The following FREM1 variants were observed in gnomAD, a reference collection of about 807,000 sequenced individuals.
The protein encoded by FREM1 is FRAS1 related extracellular matrix 1.
In FREM1, 220 loss-of-function variants were observed where a neutral mutation model predicts 210.1. That is an observed-to-expected ratio of 1.05 (90% CI 0.94 to 1.17). The LOEUF is 1.17. Among genes scored for constraint, FREM1 ranks in the 50% most tolerant of loss-of-function variants. The probability of loss-of-function intolerance (pLI) is 0.00; values close to 1 mark genes in which losing one functional copy is unlikely to be tolerated. For missense variants in FREM1, 3,454 were observed against 2,675.5 expected (o/e 1.29, Z -6.42); for synonymous variants, 1,189 against 980.2 (o/e 1.21, Z -3.98).
At chr9:14,853,088 G>A (rs1252047986) in intron 5 of FREM1, among the ~76,000 whole-genome samples, 3 of 152,154 alleles carry the variant, frequency 2.0e-5, no homozygotes, top group African/African-American at 4.8e-5. Context: ...ACATTGGCAC[G>A]GAGCAGGAAG....
At chr9:14,758,544 C>G (rs905341246) in intron 28 of FREM1, among the ~76,000 whole-genome samples, 1 of 152,258 alleles carries the variant, frequency 6.6e-6, no homozygotes, top group East Asian at 1.9e-4. Flanking sequence ...AAGATAAATA[C>G]TGAGCCTGGA....
At chr9:14,790,297 T>C (rs944565902) in intron 22 of FREM1, among the ~76,000 whole-genome samples, 4 of 152,184 alleles carry the variant, frequency 2.6e-5, no homozygotes, top group African/African-American at 9.6e-5. Flanking sequence ...GTCATTCTAC[T>C]TGATAACGTT....
intron 1 of FREM1, among the ~76,000 whole-genome samples, chr9:14,898,474 G>A (rs1838163386): frequency 6.6e-6 from 1 of 152,198 alleles, no homozygotes; most frequent in Non-Finnish European, 1.5e-5. Context: ...GGGTGTGGTG[G>A]CTCACACATG....
intron 16 of FREM1, among the ~76,000 whole-genome samples, chr9:14,812,572 G>A (rs968859262): frequency 1.8e-4 from 27 of 152,190 alleles, no homozygotes; most frequent in African/African-American, 3.9e-4. Context: ...GTGTGGTAGC[G>A]TCAGGAACAA....
intron 17 of FREM1, among the ~76,000 whole-genome samples, chr9:14,807,502 G>T (rs1049752767): frequency 6.6e-6 from 1 of 152,022 alleles, no homozygotes; most frequent in African/African-American, 2.4e-5. Flanking sequence ...AAGCAAATAA[G>T]GTTAAATGTA....
At chr9:14,775,460 C>A (rs932533374) in intron 25 of FREM1, among the ~76,000 whole-genome samples, 1 of 152,064 alleles carries the variant, frequency 6.6e-6, no homozygotes, top group Non-Finnish European at 1.5e-5. Context: ...AATCCCAGCA[C>A]TTTGGGAGGC....
chr9:14,787,970 C>T (rs1482165612), intron 23 of FREM1, among the ~76,000 whole-genome samples: 1 of 152,124 alleles, frequency 6.6e-6, no homozygotes, highest in East Asian at 1.9e-4. Context: ...GTAAACATCT[C>T]AAGATCAAAC....
intron 28 of FREM1, among the ~76,000 whole-genome samples, chr9:14,758,048 C>G (rs1844756842): frequency 6.6e-6 from 1 of 152,130 alleles, no homozygotes. Flanking sequence ...TGGTCTGAGG[C>G]AAGGTGGTTG....
At chr9:14,903,211 T>C (rs1053936102) in intron 1 of FREM1, among the ~76,000 whole-genome samples, 1 of 152,172 alleles carries the variant, frequency 6.6e-6, no homozygotes, top group African/African-American at 2.4e-5. Context: ...TGAAAGTAGG[T>C]AGCAGAGGCC....
intron 1 of FREM1, among the ~76,000 whole-genome samples, chr9:14,895,763 C>T (rs1188737454): frequency 6.6e-6 from 1 of 152,004 alleles, no homozygotes; most frequent in Non-Finnish European, 1.5e-5. Context: ...CCTTGACATA[C>T]TGACGCTTTC....
intron 1 of FREM1, among the ~76,000 whole-genome samples, chr9:14,892,413 G>T (rs1457287587): frequency 6.6e-6 from 1 of 152,070 alleles, no homozygotes; most frequent in African/African-American, 2.4e-5. Context: ...GATAGAGTGG[G>T]TTAAAGGCCC....
At chr9:14,835,953 G>A (rs1393723569) in intron 10 of FREM1, among the ~76,000 whole-genome samples, 1 of 152,134 alleles carries the variant, frequency 6.6e-6, no homozygotes, top group Non-Finnish European at 1.5e-5. Context: ...GAATCAACTG[G>A]TGATCTGCAG....
At chr9:14,752,873 A>ACAAAC (rs1261264825) in intron 29 of FREM1, among the ~76,000 whole-genome samples, 1 of 151,798 alleles carries the variant, frequency 6.6e-6, no homozygotes, top group African/African-American at 2.4e-5. Flanking sequence ...AAACAAACAA[A>ACAAAC]AAACAAAAAA....
intron 21 of FREM1, among the ~76,000 whole-genome samples, chr9:14,795,890 C>A (rs1238248742): frequency 6.6e-6 from 1 of 152,160 alleles, no homozygotes; most frequent in Admixed American, 6.5e-5. Flanking sequence ...GGGGCCCTCA[C>A]CCTGCCAGCT....
At chr9:14,867,633 T>A (rs1405057922) in intron 2 of FREM1, among the ~76,000 whole-genome samples, 1 of 152,232 alleles carries the variant, frequency 6.6e-6, no homozygotes, top group Non-Finnish European at 1.5e-5. Flanking sequence ...TCCATCTAAG[T>A]CTTTTTTTCT....
chr9:14,784,685 T>C, intron 23 of FREM1, 51 bp from the exon 24 acceptor site: 1 of 1,384,434 alleles, frequency 7.2e-7, no homozygotes, highest in Non-Finnish European at 9.5e-7. Context: ...AAACACATTA[T>C]GTCCAAGGCA....
intron 29 of FREM1, among the ~76,000 whole-genome samples, chr9:14,752,779 A>G (rs1353825517): frequency 6.6e-6 from 1 of 152,198 alleles, no homozygotes; most frequent in East Asian, 1.9e-4. Flanking sequence ...AAAATCCAAT[A>G]CAGAAAATAT....
chr9:14,841,656 T>C (rs1039693848), intron 9 of FREM1, 67 bp from the exon 10 acceptor site: 4 of 1,270,586 alleles, frequency 3.1e-6, no homozygotes, highest in Non-Finnish European at 4.3e-6. Flanking sequence ...ACAATGATAT[T>C]GGACTTATCT....
Position 14,846,086 on chromosome 9 carries a change from T to C in FREM1, c.1267A>G (p.Ser423Gly), listed in dbSNP as rs755994271. ...APRVSWNTGL[S>G]LLEGQSRAIT... ...GCTCGAGACTGCCCCTCAAGGAGAC[T>C]CAGACCTATGAAAGAAAGGAGAAAA... The change falls in exon 8 of 37, where the codon AGT (serine) becomes GGT (glycine). Residue 423 changes from serine (S) to glycine (G), a missense_variant. Coordinates refer to ENST00000380880, the MANE Select transcript of FREM1 (RefSeq NM_001379081.2). 5 of 1,571,842 alleles carry C rather than the reference T, an allele frequency of 3.2e-6. No homozygotes were observed. Among genetic ancestry groups the C allele is most frequent in the Non-Finnish European group, 4.3e-6 (5 of 1,157,410 alleles).
Sources: allele counts gnomAD v4.1 joint callset (sites outside exome capture counted in the v4.1 genomes callset), GRCh38; gene constraint gnomAD v4.1.1; transcripts MANE v1.5; gene names NCBI Gene and HGNC (gene_info 2026-07-23, HGNC 2026-07-21).